The following CATSPERB variants were observed in gnomAD, a reference collection of about 807,000 sequenced individuals.
CATSPERB encodes the protein catsper channel auxiliary subunit beta, also known as cation channel sperm-associated auxiliary subunit beta.
In CATSPERB, 93 loss-of-function variants were observed where a neutral mutation model predicts 128.3. That is an observed-to-expected ratio of 0.72 (90% CI 0.61 to 0.86). The LOEUF (loss-of-function observed/expected upper bound fraction) is 0.86. CATSPERB is among the 40% of genes least tolerant of loss of function. CATSPERB has a pLI of 0.00. For synonymous variants in CATSPERB, 381 were observed against 448.8 expected (o/e 0.85, Z 1.91); for missense variants, 1,153 against 1,329.5 (o/e 0.87, Z 2.06).
chr14:91,635,540 T>A (rs756154981), intron 17 of CATSPERB: 1 of 152,082 alleles, frequency 6.6e-6, no homozygotes, highest in African/African-American at 2.4e-5. Context: ...TTATTTTTAG[T>A]AGAGATGGAG....
chr14:91,592,809 AAGACTATGGTGAAAATGTCTCC>A (rs148490424), intron 22 of CATSPERB, among the ~76,000 whole-genome samples: 3,480 of 152,296 alleles, frequency 0.023, 133 homozygotes, highest in African/African-American at 0.076. Context: ...GTTAATCCTC[AAGACTATGGTGAAAATGTCTCC>A]AGACCATGTC....
intron 7 of CATSPERB, among the ~76,000 whole-genome samples, chr14:91,696,841 T>A (rs1895571845): frequency 6.6e-6 from 1 of 152,140 alleles, no homozygotes; most frequent in Admixed American, 6.5e-5. Context: ...GCAGCAGAGA[T>A]ATTTCTTACA....
At position 91,623,653 on chromosome 14, in the gene CATSPERB, A is replaced by G. The variant is rs1435480039; in HGVS notation, c.1930+1167T>C. Among the ~76,000 whole-genome samples the G allele has an allele frequency of 3.3e-5, 5 of 152,142 alleles. No individual in the cohort carries two copies. The South Asian group carries it at 6.2e-4, about 19-fold the overall frequency. ...CACTTGATTATTGTAATGGCCTCCT[A>G]GCTGACTTCTCTGCTTTCCTCCTTG... is the stretch of plus-strand genomic sequence containing the variant. On this transcript the variant is annotated intron_variant, in intron 18 of 26. Coordinates refer to ENST00000256343, the MANE Select transcript of CATSPERB (RefSeq NM_024764.4).
intron 17 of CATSPERB, among the ~76,000 whole-genome samples, chr14:91,625,745 A>G (rs1168311230): frequency 1.3e-5 from 2 of 152,230 alleles, no homozygotes; most frequent in Admixed American, 6.5e-5. Flanking sequence ...CTTTATAACC[A>G]GGAAAACAAT....
rs1188701694 is a variant in CATSPERB at position 91,608,339 on chromosome 14, T to G, written c.2664A>C (p.Ala888=). Residue 888 remains alanine (A), a synonymous_variant, in exon 22 of 27, where the codon GCA becomes GCC. Transcript: ENST00000256343. ...TTCTTGGTATGGGTTTGCTAGGATC[T>G]GCATGATAAAAATTATCTGTGAGTG... ...AIPLTDNFYH[A]DPSKPIPRNM... 6.2e-7 allele frequency: 1 copy of G among 1,613,024 alleles called. No individual in the cohort carries two copies. Among genetic ancestry groups the G allele is most frequent in the Non-Finnish European group, 8.5e-7 (1 of 1,179,142 alleles).
intron 10 of CATSPERB, among the ~76,000 whole-genome samples, chr14:91,687,904 G>A (rs941079764): frequency 4.1e-5 from 6 of 147,170 alleles, no homozygotes; most frequent in African/African-American, 1.3e-4. Context: ...GCACTGAGCC[G>A]AGATCACCAC....
chr14:91,623,981 A>C (rs532912122), intron 18 of CATSPERB, among the ~76,000 whole-genome samples: 1 of 152,354 alleles, frequency 6.6e-6, no homozygotes, highest in East Asian at 1.9e-4. Flanking sequence ...AAATAATCTC[A>C]TAGGAATAAA....
intron 5 of CATSPERB, among the ~76,000 whole-genome samples, chr14:91,716,195 T>C (rs1895934845): frequency 6.6e-6 from 1 of 152,150 alleles, no homozygotes; most frequent in African/African-American, 2.4e-5. Context: ...ATCCAGAATA[T>C]ATAATAAACT....
chr14:91,719,667 G>T (rs1254708631), intron 4 of CATSPERB, among the ~76,000 whole-genome samples, 189 bp from the exon 5 acceptor site: 1 of 152,076 alleles, frequency 6.6e-6, no homozygotes, highest in East Asian at 1.9e-4. Flanking sequence ...ATGTGTTCAA[G>T]AATAATTTTG....
intron 17 of CATSPERB, among the ~76,000 whole-genome samples, chr14:91,625,235 G>T (rs1189086403): frequency 6.6e-6 from 1 of 152,194 alleles, no homozygotes; most frequent in East Asian, 1.9e-4. Flanking sequence ...GTTCAGTAGT[G>T]GTGGGAATTG....
At chr14:91,639,286 T>G in intron 15 of CATSPERB, 36 bp from the exon 16 acceptor site, 1 of 1,582,988 alleles carries the variant, frequency 6.3e-7, no homozygotes, top group Non-Finnish European at 8.6e-7. Flanking sequence ...TTGATACTGA[T>G]GTAACAGAAG....
chr14:91,679,832 T>C (rs1895249877), intron 11 of CATSPERB, among the ~76,000 whole-genome samples: 1 of 152,198 alleles, frequency 6.6e-6, no homozygotes, highest in Non-Finnish European at 1.5e-5. Context: ...AGTCAGGTCA[T>C]AGACTCCAGT....
At chr14:91,648,981 T>G (rs1024912069) in intron 15 of CATSPERB, among the ~76,000 whole-genome samples, 3 of 144,912 alleles carry the variant, frequency 2.1e-5, no homozygotes, top group Non-Finnish European at 4.5e-5. Flanking sequence ...CCCATTCACC[T>G]ATCTTGCTTT....
At chr14:91,698,084 A>C (rs1895592085) in intron 7 of CATSPERB, among the ~76,000 whole-genome samples, 1 of 151,856 alleles carries the variant, frequency 6.6e-6, no homozygotes, top group Non-Finnish European at 1.5e-5. Flanking sequence ...CCTTGTAGAG[A>C]TCTTTCACCT....
chr14:91,665,884 C>G (rs28455823), intron 14 of CATSPERB, among the ~76,000 whole-genome samples: 6,455 of 152,128 alleles, frequency 0.042, 339 homozygotes, highest in African/African-American at 0.12. Flanking sequence ...AACCCCCAAA[C>G]GGATATGGTT....
intron 11 of CATSPERB, among the ~76,000 whole-genome samples, chr14:91,679,863 GA>G (rs1166317826): frequency 6.6e-6 from 1 of 152,130 alleles, no homozygotes; most frequent in Non-Finnish European, 1.5e-5. Flanking sequence ...CCAGCCTCTT[GA>G]AAATGTCCTT....
chr14:91,720,254 A>T (rs1268161851), intron 4 of CATSPERB, among the ~76,000 whole-genome samples: 1 of 152,012 alleles, frequency 6.6e-6, no homozygotes, highest in Non-Finnish European at 1.5e-5. Context: ...GTGTCAGATG[A>T]CATTAGTATA....
chr14:91,625,851 T>A (rs1205933526), intron 17 of CATSPERB, among the ~76,000 whole-genome samples: 1 of 152,140 alleles, frequency 6.6e-6, no homozygotes, highest in Non-Finnish European at 1.5e-5. Flanking sequence ...CTAGGCCGGG[T>A]GCAGTGGCTC....
At chr14:91,588,529 A>G (rs886502025) in intron 24 of CATSPERB, among the ~76,000 whole-genome samples, 3 of 152,168 alleles carry the variant, frequency 2.0e-5, no homozygotes, top group Non-Finnish European at 4.4e-5. Flanking sequence ...AAGTTTTACA[A>G]TGAGATTACT....
Sources: gnomAD v4.1 joint callset for allele counts (sites outside exome capture counted in the v4.1 genomes callset) on GRCh38, gnomAD v4.1.1 for gene constraint, MANE v1.5 for transcripts, NCBI Gene and HGNC (gene_info 2026-07-23, HGNC 2026-07-21) for gene names.